UPP2: variants seen among roughly 807,000 people sequenced by gnomAD.
UPP2 encodes uridine phosphorylase 2.
A neutral mutation model predicts 26.7 loss-of-function variants in UPP2; 23 were observed. That is an observed-to-expected ratio of 0.86 (90% confidence interval 0.62 to 1.22). UPP2 has a LOEUF of 1.22. Ranked by LOEUF, UPP2 falls within the 50% of genes most tolerant of loss-of-function variation. The pLI is 0.00. For missense variants in UPP2, 387 were observed against 396.7 expected (o/e 0.98, Z 0.21); for synonymous variants, 127 against 141.3 (o/e 0.90, Z 0.72).
intron 3 of UPP2, among the ~76,000 whole-genome samples, chr2:158,082,730 G>C (rs1023271850): frequency 2.0e-5 from 3 of 152,066 alleles, no homozygotes; most frequent in African/African-American, 7.2e-5. Flanking sequence ...AAACTAAAGA[G>C]CTTCTATACA....
At chr2:158,123,726 A>C in intron 5 of UPP2, 23 bp from the exon 6 acceptor site, 1 of 1,608,742 alleles carries the variant, frequency 6.2e-7, no homozygotes, top group Non-Finnish European at 8.5e-7. Context: ...TCAAGTCACT[A>C]AACGTTCTCC....
chr2:158,000,771 C>T (rs1683392369), intron 2 of UPP2, among the ~76,000 whole-genome samples: 1 of 152,222 alleles, frequency 6.6e-6, no homozygotes, highest in Non-Finnish European at 1.5e-5. Flanking sequence ...CTAGTTAAAA[C>T]CTGTGAAATG....
At chr2:158,123,622 C>A in intron 5 of UPP2, 127 bp from the exon 6 acceptor site, 3 of 1,119,240 alleles carry the variant, frequency 2.7e-6, no homozygotes, top group Non-Finnish European at 3.8e-6. Flanking sequence ...CTCAGTTTAT[C>A]CTACACGGGG....
At chr2:158,034,329 C>G (rs2105158883) in intron 3 of UPP2, among the ~76,000 whole-genome samples, 1 of 152,344 alleles carries the variant, frequency 6.6e-6, no homozygotes, top group East Asian at 1.9e-4. Flanking sequence ...GGAAAGCTCT[C>G]TGTTCCTCTT....
At chr2:158,109,645 C>T (rs1558934217) in intron 2 of UPP2, among the ~76,000 whole-genome samples, 1 of 152,124 alleles carries the variant, frequency 6.6e-6, no homozygotes, top group Admixed American at 6.5e-5. Flanking sequence ...AAATTCTAGT[C>T]ACTGGAACCC....
chr2:158,079,523 C>A (rs1179180058), intron 3 of UPP2, among the ~76,000 whole-genome samples: 10 of 151,928 alleles, frequency 6.6e-5, no homozygotes, highest in Admixed American at 6.6e-4. Context: ...CTTGTGATGA[C>A]AAAACAAGAT....
intron 3 of UPP2, among the ~76,000 whole-genome samples, chr2:158,053,164 T>C (rs1181016328): frequency 6.6e-6 from 1 of 152,174 alleles, no homozygotes; most frequent in Non-Finnish European, 1.5e-5. Context: ...GTGTCAACTG[T>C]GTGTGGTGAA....
At chr2:158,082,908 C>G (rs1490587131) in intron 3 of UPP2, among the ~76,000 whole-genome samples, 2 of 152,298 alleles carry the variant, frequency 1.3e-5, no homozygotes, top group Admixed American at 6.5e-5. Flanking sequence ...TATGAACAGA[C>G]ATTTCTCAAA....
chr2:158,095,375 T>C (rs1404456737), intron 3 of UPP2, among the ~76,000 whole-genome samples: 1 of 152,184 alleles, frequency 6.6e-6, no homozygotes, highest in Non-Finnish European at 1.5e-5. Flanking sequence ...AACAACCTGA[T>C]GACTAGCAGG....
At chr2:158,057,020 C>T (rs1029512537) in intron 3 of UPP2, among the ~76,000 whole-genome samples, 4 of 152,024 alleles carry the variant, frequency 2.6e-5, no homozygotes, top group South Asian at 2.1e-4. Flanking sequence ...TAAGATGTCC[C>T]GTTTTTTGGA....
rs1553463647 is a variant in UPP2, at chr2:158,023,229, T to TTGGG, written c.147+7344_147+7347dup. Among the ~76,000 whole-genome samples the TTGGG allele has an allele frequency of 2.3e-4, 8 of 34,104 alleles. 1 individual carries two copies. The highest frequency in any genetic ancestry group is 6.0e-4 in the Non-Finnish European group (6 of 9,964). 22.4% of individuals were successfully genotyped at this position (34,104 alleles called of 152,430 possible). A position where few individuals can be genotyped will look rare whatever the true frequency, so the allele number is the denominator to read the frequency against. On this transcript the variant is annotated intron_variant, in intron 3 of 9. Transcript: ENST00000605860. ...GATGAGGTCATGGGGTTGCTGTCAG[T>TTGGG]TGGGGGGGGGCATTTGGAAGGCTTT... is the stretch of plus-strand genomic sequence containing the variant.
chr2:158,028,995 G>C (rs1332102132), intron 3 of UPP2, among the ~76,000 whole-genome samples: 4 of 152,186 alleles, frequency 2.6e-5, no homozygotes, highest in African/African-American at 9.7e-5. Context: ...TTGGATTTCT[G>C]ATCAGAGCTT....
At chr2:158,051,552 G>A (rs1176695295) in intron 3 of UPP2, among the ~76,000 whole-genome samples, 1 of 152,132 alleles carries the variant, frequency 6.6e-6, no homozygotes, top group African/African-American at 2.4e-5. Flanking sequence ...AGAGGCTTAG[G>A]CGGCCAGATC....
chr2:157,997,452 A>C (rs1465318459), intron 2 of UPP2, among the ~76,000 whole-genome samples: 5 of 152,154 alleles, frequency 3.3e-5, no homozygotes, highest in Non-Finnish European at 5.9e-5. Context: ...TGGGACTAGA[A>C]ACTGGAAATA....
intron 3 of UPP2, among the ~76,000 whole-genome samples, chr2:158,059,136 C>T (rs1387554677): frequency 1.3e-5 from 2 of 152,168 alleles, no homozygotes; most frequent in Admixed American, 6.5e-5. Flanking sequence ...CATTGCCTGA[C>T]CCACTTCCAA....
At chr2:158,008,103 A>T (rs1683522298) in intron 2 of UPP2, among the ~76,000 whole-genome samples, 1 of 152,236 alleles carries the variant, frequency 6.6e-6, no homozygotes, top group South Asian at 2.1e-4. Flanking sequence ...GGAAGTAAAG[A>T]TATTTCAAAT....
intron 3 of UPP2, among the ~76,000 whole-genome samples, chr2:158,077,318 A>G (rs1014514588): frequency 6.6e-6 from 1 of 152,156 alleles, no homozygotes; most frequent in African/African-American, 2.4e-5. Context: ...AAACCACAAA[A>G]GACTCAAAAC....
At chr2:158,054,400 T>A (rs201863620) in intron 3 of UPP2, among the ~76,000 whole-genome samples, 1 of 151,550 alleles carries the variant, frequency 6.6e-6, no homozygotes, top group Non-Finnish European at 1.5e-5. Context: ...TTTTTTTTTT[T>A]AAATCCTTGC....
chr2:158,022,639 C>T (rs1217714811), intron 3 of UPP2, among the ~76,000 whole-genome samples: 2 of 152,172 alleles, frequency 1.3e-5, no homozygotes, highest in South Asian at 2.1e-4. Context: ...GCTACTTCTA[C>T]TGCAGGCACA....
Sources: allele counts gnomAD v4.1 joint callset (sites outside exome capture counted in the v4.1 genomes callset), GRCh38; gene constraint gnomAD v4.1.1; transcripts MANE v1.5; gene names NCBI Gene and HGNC (gene_info 2026-07-23, HGNC 2026-07-21).